ADCY1: variants seen among roughly 807,000 people sequenced by gnomAD.
ADCY1 encodes adenylate cyclase type 1.
In ADCY1, 28 loss-of-function variants were observed where a neutral mutation model predicts 105.4. The ratio of observed to expected loss-of-function variants is 0.27; its 90% CI spans 0.20 to 0.36. The LOEUF (loss-of-function observed/expected upper bound fraction) is 0.36, where lower values mean the gene tolerates loss of function less well. Among genes scored for constraint, ADCY1 ranks in the 10% least tolerant of loss-of-function variants. The pLI is 1.00. For synonymous variants in ADCY1, 655 were observed against 623.8 expected (o/e 1.05, Z -0.75); for missense variants, 977 against 1,434.2 (o/e 0.68, Z 5.15).
At chr7:45,603,547 C>T (rs1026677764) in intron 2 of ADCY1, among the ~76,000 whole-genome samples, 2 of 152,086 alleles carry the variant, frequency 1.3e-5, no homozygotes, top group Non-Finnish European at 2.9e-5. Context: ...CAGAGAGATC[C>T]CATGTGCCCT....
In ADCY1 at chr7:45,708,300, CT is replaced by C. The variant is rs755176834; in HGVS notation, c.2818-49del. The C allele has an allele frequency of 7.0e-7, 1 of 1,431,624 alleles. No homozygotes were observed. The highest frequency in any genetic ancestry group is 9.8e-7 in the Non-Finnish European group (1 of 1,018,002). 88.7% of individuals were successfully genotyped at this position (1,431,624 alleles called of 1,614,324 possible). On this transcript the variant is annotated intron_variant, in intron 17 of 19. Coordinates refer to ENST00000297323, the MANE Select transcript of ADCY1 (RefSeq NM_021116.4). This position sits in a 1 kb window ranked among gnomAD's most constrained non-coding sequence, Gnocchi z 4.7. The stretch of plus-strand genomic sequence containing the variant: ...GCACTGCAGGTTGGTCCCTGGCCCC[CT>C]CTTGCCTTGCACTCCCCAGATGTAA...
In ADCY1 at chr7:45,714,188, G is replaced by A. The variant is rs1785319472; in HGVS notation, c.*193G>A. On this transcript the variant is annotated 3_prime_UTR_variant, in exon 20 of 20. Transcript: ENST00000297323. ...CACCGAGCAGGCACAGCACAGCAGTGACTCGGTGAGGGGAGGACACCCGAC... is the reference window on the plus strand; with the variant it reads ...CACCGAGCAGGCACAGCACAGCAGTAACTCGGTGAGGGGAGGACACCCGAC... 1.7e-6 allele frequency: 1 copy of A among 589,056 alleles called. No individual in the cohort carries two copies. The highest frequency in any genetic ancestry group is 2.1e-5 in the South Asian group (1 of 46,568). 36.5% of individuals were successfully genotyped at this position (589,056 alleles called of 1,614,324 possible). A position where few individuals can be genotyped will look rare whatever the true frequency, so the allele number is the denominator to read the frequency against.
rs1315061965 is a variant in ADCY1 at position 45,591,396 on chromosome 7, AGGTGGCAGCT to A, written c.640-1361_640-1352del. Among the ~76,000 whole-genome samples, 1 of 152,212 alleles carries A rather than the reference AGGTGGCAGCT, an allele frequency of 6.6e-6. No homozygotes were observed. Among genetic ancestry groups the A allele is most frequent in the African/African-American group, 2.4e-5 (1 of 41,448 alleles). On this transcript the variant is annotated intron_variant, in intron 1 of 19. Coordinates refer to ENST00000297323, the MANE Select transcript of ADCY1 (RefSeq NM_021116.4). This position sits in a 1 kb window ranked among gnomAD's most constrained non-coding sequence, Gnocchi z 4.1. ...CTCCTGGACTCGCTTGGTCCCCGTC[AGGTGGCAGCT>A]GCTCCCCACACTACTGTGTGAGTTT... is the stretch of plus-strand genomic sequence containing the variant.
At chr7:45,645,721 C>T (rs983688008) in intron 4 of ADCY1, among the ~76,000 whole-genome samples, 16 of 152,118 alleles carry the variant, frequency 1.1e-4, no homozygotes, top group African/African-American at 3.9e-4. Context: ...ATCCCTGAGT[C>T]CACTCACGCA....
chr7:45,691,656 ATTTCAATG>A (rs1220616214), intron 14 of ADCY1, among the ~76,000 whole-genome samples: 3 of 152,348 alleles, frequency 2.0e-5, no homozygotes, highest in Admixed American at 6.5e-5. Context: ...GGCAATTATA[ATTTCAATG>A]TTTATGCTAT....
chr7:45,584,962 A>G (rs947585675), intron 1 of ADCY1, among the ~76,000 whole-genome samples: 1 of 152,214 alleles, frequency 6.6e-6, no homozygotes, highest in Non-Finnish European at 1.5e-5. Flanking sequence ...GTTCTGGAAC[A>G]TTCTGTTCCC....
At chr7:45,593,145 C>G (rs534333797) in intron 2 of ADCY1, among the ~76,000 whole-genome samples, 1 of 152,262 alleles carries the variant, frequency 6.6e-6, no homozygotes, top group African/African-American at 2.4e-5. Flanking sequence ...GCTTTGGGGA[C>G]AGCATTTGGG....
rs1464583211 is a variant in ADCY1 at position 45,708,199 on chromosome 7, T to A, written c.2818-151T>A. The A allele has an allele frequency of 8.3e-6, 5 of 605,934 alleles. No individual in the cohort carries two copies. The highest frequency in any genetic ancestry group is 1.5e-5 in the Non-Finnish European group (5 of 333,828). 37.5% of individuals were successfully genotyped at this position (605,934 alleles called of 1,614,324 possible). A position where few individuals can be genotyped will look rare whatever the true frequency, so the allele number is the denominator to read the frequency against. ...ATACCCTGCCTCTCTCTTAGTCTCC[T>A]ACCTGTAGAATGGAATGATAAATGT... On this transcript the variant is annotated intron_variant, in intron 17 of 19. Transcript: ENST00000297323. This position sits in a 1 kb window ranked among gnomAD's most constrained non-coding sequence, Gnocchi z 4.7.
intron 1 of ADCY1, among the ~76,000 whole-genome samples, chr7:45,583,369 G>A (rs1398728077): frequency 6.6e-6 from 1 of 152,212 alleles, no homozygotes; most frequent in African/African-American, 2.4e-5. Context: ...AGAAGTGCTG[G>A]GAGCCCTGCA....
intron 4 of ADCY1, among the ~76,000 whole-genome samples, chr7:45,631,424 G>A (rs1366174162): frequency 1.3e-5 from 2 of 152,310 alleles, no homozygotes; most frequent in African/African-American, 2.4e-5. Flanking sequence ...TCACTGGTAC[G>A]GGCATATGTA....
At chr7:45,701,745 C>T (rs1004075171) in intron 14 of ADCY1, among the ~76,000 whole-genome samples, 4 of 152,142 alleles carry the variant, frequency 2.6e-5, no homozygotes, top group Non-Finnish European at 4.4e-5. Flanking sequence ...CCATCTGAGG[C>T]TGGAAATTGA....
chr7:45,635,441 G>T (rs1218761573), intron 4 of ADCY1, among the ~76,000 whole-genome samples: 1 of 151,408 alleles, frequency 6.6e-6, no homozygotes, highest in East Asian at 1.9e-4. Flanking sequence ...AGTTTCTTAA[G>T]GTGGATGCCA....
chr7:45,576,106 C>T (rs993407746), intron 1 of ADCY1, among the ~76,000 whole-genome samples: 1 of 152,158 alleles, frequency 6.6e-6, no homozygotes, highest in Non-Finnish European at 1.5e-5. Context: ...CCTCTAGCTG[C>T]AGTTTAGCAG....
chr7:45,717,568 A>C lies in ADCY1; in HGVS notation c.*3573A>C, dbSNP rs571292015. 1 of 152,418 alleles carries C rather than the reference A, an allele frequency of 6.6e-6. No individual in the cohort carries two copies. The highest frequency in any genetic ancestry group is 6.5e-5 in the Admixed American group (1 of 15,300). The allele number at this position is 152,418 out of a possible 1,614,324, so 9.4% of individuals were successfully genotyped here. A position where few individuals can be genotyped will look rare whatever the true frequency, so the allele number is the denominator to read the frequency against. On this transcript the variant is annotated 3_prime_UTR_variant, in exon 20 of 20. Transcript: ENST00000297323. The stretch of plus-strand genomic sequence containing the variant: ...CAGGTGCTGCCTGTTTACTCGTACC[A>C]AAAATGAAGACAAGCCCCACACCCA...
chr7:45,711,092 A>T (rs1470280579), intron 19 of ADCY1, among the ~76,000 whole-genome samples: 1 of 152,202 alleles, frequency 6.6e-6, no homozygotes, highest in Admixed American at 6.5e-5. Context: ...ATGGTGGCTG[A>T]CACCCTCTAA....
chr7:45,658,892 C>T (rs1301046754), intron 6 of ADCY1, among the ~76,000 whole-genome samples: 3 of 152,180 alleles, frequency 2.0e-5, no homozygotes, highest in Non-Finnish European at 4.4e-5. Flanking sequence ...CCCTGCCTGC[C>T]CCAGGCCAAT....
intron 14 of ADCY1, among the ~76,000 whole-genome samples, chr7:45,688,087 A>G (rs141895457): frequency 2.1e-4 from 32 of 152,350 alleles, no homozygotes; most frequent in Non-Finnish European, 4.0e-4. Flanking sequence ...CTGGGCATCA[A>G]GCCATGCAGT....
intron 2 of ADCY1, among the ~76,000 whole-genome samples, chr7:45,607,988 T>A (rs1418357430): frequency 6.6e-6 from 1 of 152,378 alleles, no homozygotes; most frequent in East Asian, 1.9e-4. Context: ...ATGGCAGTGC[T>A]GTTTTAAGTT....
intron 8 of ADCY1, among the ~76,000 whole-genome samples, chr7:45,671,053 G>T (rs1784356246): frequency 1.3e-5 from 2 of 152,244 alleles, no homozygotes; most frequent in Admixed American, 1.3e-4. Flanking sequence ...TGGAAAAGCT[G>T]CTGGGCGCAG....
Sources: gnomAD v4.1 joint callset for allele counts (sites outside exome capture counted in the v4.1 genomes callset) on GRCh38, gnomAD v4.1.1 for gene constraint, Gnocchi (gnomAD v3.1) non-coding constraint, MANE v1.5 for transcripts, NCBI Gene and HGNC (gene_info 2026-07-23, HGNC 2026-07-21) for gene names.